Variants in ABCC12 observed in about 807,000 individuals in gnomAD.
The protein encoded by ABCC12 is ATP-binding cassette sub-family C member 12.
Under a neutral mutation model 151.1 loss-of-function variants are expected in ABCC12, and 142 were observed. That is an observed-to-expected ratio of 0.94 (90% CI 0.82 to 1.08). ABCC12 has a LOEUF of 1.08. Ranked by LOEUF, ABCC12 falls within the 50% of genes least tolerant of loss-of-function variation. ABCC12 has a pLI of 0.00. For missense variants in ABCC12, 1,638 were observed against 1,691.1 expected, an observed-to-expected ratio of 0.97 and a Z score of 0.55; for synonymous variants, 645 against 646.4, an observed-to-expected ratio of 1.00 and a Z score of 0.03.
intron 23 of ABCC12, 108 bp downstream of exon 23, chr16:48,100,764 G>C: frequency 7.5e-7 from 1 of 1,339,316 alleles, no homozygotes; most frequent in East Asian, 2.5e-5. Flanking sequence ...CCAGCTCTTT[G>C]TCTGTGATCA....
chr16:48,092,254 G>T (rs1323239000), intron 24 of ABCC12, among the ~76,000 whole-genome samples: 1 of 152,228 alleles, frequency 6.6e-6, no homozygotes, highest in African/African-American at 2.4e-5. Context: ...AACCCAGATT[G>T]TACCAGGAGG....
chr16:48,125,985 G>T (rs542306828), intron 11 of ABCC12, among the ~76,000 whole-genome samples: 6 of 151,994 alleles, frequency 3.9e-5, no homozygotes, highest in Non-Finnish European at 8.8e-5. Flanking sequence ...TTGCCTTCTC[G>T]CCACTCTCCC....
Position 48,091,201 on chromosome 16 carries a change from T to C in ABCC12, c.3204A>G (p.Gly1068=), listed in dbSNP as rs1160133772. The C allele has an allele frequency of 6.2e-7, 1 of 1,614,054 alleles. No individual in the cohort carries two copies. Reference sequence around the variant, plus strand: ...CCGTTCGCACACACACTTGGAGCAGTCCGCTCAGCTGTTGAAAAGGAGCGA... The same window carrying C: ...CCGTTCGCACACACACTTGGAGCAGCCCGCTCAGCTGTTGAAAAGGAGCGA... ...LSLSYIIQLS[G]LLQVCVRTGT... Residue 1068 remains glycine, a synonymous_variant, in exon 25 of 31, where the codon GGA becomes GGG. Coordinates refer to ENST00000311303, the MANE Select transcript of ABCC12 (RefSeq NM_001393797.1).
Position 48,128,597 on chromosome 16 carries a change from C to A in ABCC12, c.1377G>T (p.Gln459His). 6.2e-7 allele frequency: 1 copy of A among 1,614,228 alleles called. No homozygotes were observed. The highest frequency in any genetic ancestry group is 8.5e-7 in the Non-Finnish European group (1 of 1,180,048). The change falls in exon 11 of 31, where the codon CAG becomes CAT. Residue 459 changes from glutamine to histidine, a missense_variant. Physicochemically the swap from Gln to His is conservative, Grantham distance 24. Coordinates refer to ENST00000311303, the MANE Select transcript of ABCC12 (RefSeq NM_001393797.1). ...TCTGTTTCTTGCATAAATGCCTTTT[C>A]TGGTTCTGCAATTTCTTTGGGGTAC... is the stretch of plus-strand genomic sequence containing the variant. ...RKSTPKKLQNQKRHLCKKQRS... is the reference protein window; with the variant it reads ...RKSTPKKLQNHKRHLCKKQRS...
intron 9 of ABCC12, among the ~76,000 whole-genome samples, chr16:48,132,780 A>T (rs1964472525): frequency 1.3e-5 from 2 of 152,180 alleles, no homozygotes; most frequent in Admixed American, 1.3e-4. Context: ...CTTGTATAGG[A>T]CCTAAGAGCC....
At position 48,100,993 on chromosome 16, in the gene ABCC12, C is replaced by T. The variant is rs763862061; in HGVS notation, c.2917G>A (p.Val973Ile). The T allele has an allele frequency of 6.2e-7, 1 of 1,614,178 alleles. No homozygotes were observed. The highest frequency in any genetic ancestry group is 8.5e-7 in the Non-Finnish European group (1 of 1,180,010). ...TTCTCCACCTTCTTGAGCTCCTGGA[C>T]TCCTCTGTGGAAAATGCTGGAAGAA... ...FILLRIFHRG[V>I]QELKKVENVS... Residue 973 changes from valine (V) to isoleucine (I), a missense_variant, in exon 23 of 31, where the codon GTC (valine) becomes ATC (isoleucine). Val to Ile is a conservative substitution (Grantham distance 29, BLOSUM62 3). Coordinates refer to ENST00000311303, the MANE Select transcript of ABCC12 (RefSeq NM_001393797.1).
chr16:48,128,443 T>C lies in ABCC12; in HGVS notation c.1515+16A>G, dbSNP rs1964310670. On this transcript the variant is annotated intron_variant, in intron 11 of 30. Coordinates refer to ENST00000311303, the MANE Select transcript of ABCC12 (RefSeq NM_001393797.1). ...GGAGGAGGGCTGGAGGCCACACCTGTGCAACACACACCCACCTTTCTCACC... is the reference window on the plus strand; with the variant it reads ...GGAGGAGGGCTGGAGGCCACACCTGCGCAACACACACCCACCTTTCTCACC... 5 of 1,612,768 alleles carry C rather than the reference T, an allele frequency of 3.1e-6. No individual in the cohort carries two copies. Among genetic ancestry groups the C allele is most frequent in the African/African-American group, 1.3e-5 (1 of 74,930 alleles).
intron 8 of ABCC12, among the ~76,000 whole-genome samples, chr16:48,134,671 T>C (rs1289885008): frequency 1.3e-5 from 2 of 152,168 alleles, no homozygotes; most frequent in African/African-American, 2.4e-5. Context: ...TAACTCCAAA[T>C]CTTTAGACAA....
chr16:48,095,389 C>T (rs1000890393), intron 24 of ABCC12, among the ~76,000 whole-genome samples: 2 of 152,086 alleles, frequency 1.3e-5, no homozygotes, highest in African/African-American at 4.8e-5. Flanking sequence ...TTAAAAATGA[C>T]CCAGTCTCAG....
chr16:48,086,900 T>C (rs1450751094), intron 27 of ABCC12, 81 bp from the exon 28 acceptor site: 3 of 1,194,268 alleles, frequency 2.5e-6, no homozygotes, highest in South Asian at 1.2e-5. Context: ...TTCTGTAGCA[T>C]GTGGAGGAGG....
At chr16:48,090,761 CTTG>C (rs1413801790) in intron 25 of ABCC12, among the ~76,000 whole-genome samples, 1 of 151,988 alleles carries the variant, frequency 6.6e-6, no homozygotes, top group Non-Finnish European at 1.5e-5. Context: ...GAGTTTTACT[CTTG>C]TTGTCCTGGC....
intron 12 of ABCC12, 108 bp from the exon 13 acceptor site, chr16:48,121,948 G>A: frequency 1.3e-6 from 2 of 1,509,528 alleles, no homozygotes; most frequent in Non-Finnish European, 1.8e-6. Flanking sequence ...TGGTTATGAA[G>A]GCACAAAAGC....
In ABCC12 at chr16:48,085,615, C is replaced by T. The variant is rs139931213; in HGVS notation, c.3806G>A (p.Arg1269Gln). 9 of 1,613,940 alleles carry T rather than the reference C, an allele frequency of 5.6e-6. No homozygotes were observed. Among genetic ancestry groups the T allele is most frequent in the Middle Eastern group, 1.6e-4 (1 of 6,084 alleles). ...TACCTTTGAATTACGGAGAAGAGCT[C>T]GGGCCACACAAAGCAGCTGACGTTC... ...VGERQLLCVA[R>Q]ALLRNSKIIL... Residue 1269 changes from arginine (R) to glutamine (Q), a missense_variant, in exon 29 of 31, where the codon CGA (arginine) becomes CAA (glutamine). Physicochemically the swap from Arg to Gln is conservative, Grantham distance 43 (BLOSUM62 1). Coordinates refer to ENST00000311303, the MANE Select transcript of ABCC12 (RefSeq NM_001393797.1).
intron 12 of ABCC12, among the ~76,000 whole-genome samples, chr16:48,122,465 C>T (rs1964104461): frequency 6.6e-6 from 1 of 152,136 alleles, no homozygotes; most frequent in Non-Finnish European, 1.5e-5. Context: ...AGTTTGTGAC[C>T]CTGAGTACAT....
At chr16:48,084,149 A>C (rs1000586678) in intron 29 of ABCC12, 76 bp from the exon 30 acceptor site, 1 of 1,415,156 alleles carries the variant, frequency 7.1e-7, no homozygotes, top group Non-Finnish European at 9.5e-7. Context: ...TTTACTTTAA[A>C]AAAAAGAAGA....
intron 13 of ABCC12, 86 bp downstream of exon 13, chr16:48,121,630 T>G (rs1964070585): frequency 1.3e-6 from 2 of 1,526,272 alleles, no homozygotes; most frequent in African/African-American, 1.4e-5. Flanking sequence ...AGAACCCACT[T>G]AGCAGTCATT....
chr16:48,140,975 T>C lies in ABCC12; in HGVS notation c.424-55A>G, dbSNP rs910673062. 5.2e-6 allele frequency: 8 copies of C among 1,530,538 alleles called. No individual in the cohort carries two copies. In the African/African-American group the frequency reaches 1.1e-4, roughly 21 times the overall value. 94.8% of individuals were successfully genotyped at this position (1,530,538 alleles called of 1,614,324 possible). On this transcript the variant is annotated intron_variant, in intron 5 of 30. Coordinates refer to ENST00000311303, the MANE Select transcript of ABCC12 (RefSeq NM_001393797.1). ...GGGCCACTGAGGGCTGAGGCTGGCATAGGAGGCCTCAGATCATGCCAGCAA... is the reference window on the plus strand; with the variant it reads ...GGGCCACTGAGGGCTGAGGCTGGCACAGGAGGCCTCAGATCATGCCAGCAA...
intron 13 of ABCC12, among the ~76,000 whole-genome samples, chr16:48,121,052 C>T (rs1340788148): frequency 1.3e-5 from 2 of 152,086 alleles, no homozygotes; most frequent in Non-Finnish European, 2.9e-5. Flanking sequence ...TCACTAACGC[C>T]TATTTCTCCT....
chr16:48,100,760 C>CT (rs1963275580), intron 23 of ABCC12, 112 bp downstream of exon 23: 5 of 1,314,068 alleles, frequency 3.8e-6, no homozygotes, highest in Non-Finnish European at 5.1e-6. Flanking sequence ...TCTTCCAGCT[C>CT]TTTGTCTGTG....
Sources: allele counts gnomAD v4.1 joint callset (sites outside exome capture counted in the v4.1 genomes callset), GRCh38; gene constraint gnomAD v4.1.1; transcripts MANE v1.5; gene names NCBI Gene and HGNC (gene_info 2026-07-23, HGNC 2026-07-21).